The following ITGA5 variants were observed in gnomAD, a reference collection of about 807,000 sequenced individuals.
ITGA5 encodes the protein integrin alpha-5.
A neutral mutation model predicts 146.3 loss-of-function variants in ITGA5; 55 were observed. The ratio of observed to expected loss-of-function variants is 0.38; its 90% CI spans 0.30 to 0.47. The LOEUF (loss-of-function observed/expected upper bound fraction) is 0.47. Ranked by LOEUF, ITGA5 falls within the 20% of genes least tolerant of loss-of-function variation. ITGA5 has a pLI of 0.99. For missense variants in ITGA5, 1,131 were observed against 1,329.0 expected (o/e 0.85, Z 2.32); for synonymous variants, 500 against 531.8 (o/e 0.94, Z 0.82).
intron 1 of ITGA5, among the ~76,000 whole-genome samples, chr12:54,413,634 GAGA>G (rs1370413742): frequency 1.3e-5 from 2 of 152,206 alleles, no homozygotes; most frequent in African/African-American, 4.8e-5. Flanking sequence ...GGTGATGTGA[GAGA>G]AGGAGACCCC....
At chr12:54,406,132 A>G (rs1317232493) in intron 9 of ITGA5, 5 of 598,204 alleles carry the variant, frequency 8.4e-6, no homozygotes, top group Non-Finnish European at 1.5e-5. Context: ...TTTTCTCCCT[A>G]TCAATCACCA....
At chr12:54,411,625 T>C (rs747571974) in intron 2 of ITGA5, among the ~76,000 whole-genome samples, 1 of 152,220 alleles carries the variant, frequency 6.6e-6, no homozygotes, top group African/African-American at 2.4e-5. Flanking sequence ...TTCTGAATCA[T>C]GCCCGTCCTC....
chr12:54,405,245 G>C lies in ITGA5; in HGVS notation c.1146C>G (p.Thr382=). 1 of 1,613,864 alleles carries C rather than the reference G, an allele frequency of 6.2e-7. No individual in the cohort carries two copies. The highest frequency in any genetic ancestry group is 8.5e-7 in the Non-Finnish European group (1 of 1,179,852). ...PAGIEPTPTL[T]LTGHDEFGRF... The stretch of plus-strand genomic sequence containing the variant: ...GGCCAAACTCATCATGGCCAGTGAG[G>C]GTAAGGGTGGGCGTGGGCTCTATGC... The change falls in exon 12 of 30, where the codon ACC becomes ACG. Residue 382 remains threonine (T), a synonymous_variant. Transcript: ENST00000293379.
chr12:54,405,847 G>A (rs763789695), intron 10 of ITGA5, 23 bp downstream of exon 10: 2 of 1,611,922 alleles, frequency 1.2e-6, no homozygotes, highest in Admixed American at 3.3e-5. Context: ...CCAAGCTGGG[G>A]TGGGGTTGAG....
intron 1 of ITGA5, among the ~76,000 whole-genome samples, chr12:54,412,675 C>CGGG (rs1362836635): frequency 3.3e-5 from 5 of 152,210 alleles, no homozygotes; most frequent in Admixed American, 2.6e-4. Context: ...TCTGCTCTAC[C>CGGG]GGGGTCCCAG....
Position 54,401,975 on chromosome 12 carries a change from C to T in ITGA5, c.2226+26G>A. 6.2e-7 allele frequency: 1 copy of T among 1,611,788 alleles called. No homozygotes were observed. The highest frequency in any genetic ancestry group is 8.5e-7 in the Non-Finnish European group (1 of 1,177,906). ...GCCCTCAGGTCTGCTCTCCCTCTGT[C>T]CCATCCTCTTTCATCCCAAACTTAC... On this transcript the variant is annotated intron_variant, in intron 21 of 29. Coordinates refer to ENST00000293379, the MANE Select transcript of ITGA5 (RefSeq NM_002205.5). The surrounding 1 kb of genome is among the most constrained non-coding windows in gnomAD (Gnocchi z 5.0).
rs1431257157 is a variant in ITGA5 at position 54,409,455 on chromosome 12, AC to A, written c.462+29del. ...CCCAACCACTGCCCATCCCCTGGCC[AC>A]CACACCACTGAGCTTGCTGGCCCCT... On this transcript the variant is annotated intron_variant, in intron 3 of 29. Coordinates refer to ENST00000293379, the MANE Select transcript of ITGA5 (RefSeq NM_002205.5). The surrounding 1 kb of genome is among the most constrained non-coding windows in gnomAD (Gnocchi z 4.7). 6.2e-7 allele frequency: 1 copy of A among 1,611,066 alleles called. No individual in the cohort carries two copies. The highest frequency in any genetic ancestry group is 2.2e-5 in the East Asian group (1 of 44,852).
chr12:54,402,443 T>TC, intron 19 of ITGA5, 113 bp from the exon 20 acceptor site: 1 of 970,906 alleles, frequency 1.0e-6, no homozygotes. Context: ...ACACCTGTAA[T>TC]CCCAGCACTT....
chr12:54,404,399 T>G, intron 14 of ITGA5, 31 bp downstream of exon 14: 2 of 1,610,566 alleles, frequency 1.2e-6, no homozygotes, highest in Non-Finnish European at 1.7e-6. Context: ...TCCACCCAGG[T>G]TGTCCCCTCA....
chr12:54,404,969 G>T (rs1215717242), intron 12 of ITGA5, 75 bp from the exon 13 acceptor site: 2 of 1,310,850 alleles, frequency 1.5e-6, no homozygotes, highest in Non-Finnish European at 2.1e-6. Context: ...CAGACCCCAG[G>T]ACCTAGGATC....
At chr12:54,396,401 G>C in intron 29 of ITGA5, 25 bp from the exon 30 acceptor site, 2 of 1,568,082 alleles carry the variant, frequency 1.3e-6, no homozygotes, top group East Asian at 2.2e-5. Flanking sequence ...AAGAGGGAGA[G>C]TTTAGGTACT....
In ITGA5 at chr12:54,403,264, C is replaced by A; in HGVS notation, c.1837G>T (p.Asp613Tyr). 5 of 1,565,838 alleles carry A rather than the reference C, an allele frequency of 3.2e-6. No individual in the cohort carries two copies. The highest frequency in any genetic ancestry group is 4.3e-6 in the Non-Finnish European group (5 of 1,159,316). The change falls in exon 18 of 30, where the codon GAC becomes TAC. Residue 613 changes from aspartate (D) to tyrosine (Y), a missense_variant. Transcript: ENST00000293379. This position sits in a 1 kb window ranked among gnomAD's most constrained non-coding sequence, Gnocchi z 4.9. ...TGGCTGTCCACTGGGGCTTGGGGGTCCAAGGAGAAGTTGAGAGCGATGTGA... is the reference window on the plus strand; with the variant it reads ...TGGCTGTCCACTGGGGCTTGGGGGTACAAGGAGAAGTTGAGAGCGATGTGA... The part of the protein sequence containing the change: ...PIHIALNFSL[D>Y]PQAPVDSHGL...
At position 54,401,903 on chromosome 12, in the gene ITGA5, A is replaced by T; in HGVS notation, c.2227-48T>A. The T allele has an allele frequency of 6.2e-7, 1 of 1,600,968 alleles. No individual in the cohort carries two copies. Among genetic ancestry groups the T allele is most frequent in the Non-Finnish European group, 8.6e-7 (1 of 1,168,644 alleles). Reference sequence around the variant, plus strand: ...AGAGGGCAGTTAGACTGTGTATTTCACCCTCCCTCCGCACCTCACAGCTGT... The same window carrying T: ...AGAGGGCAGTTAGACTGTGTATTTCTCCCTCCCTCCGCACCTCACAGCTGT... On this transcript the variant is annotated intron_variant, in intron 21 of 29. Transcript: ENST00000293379. The surrounding 1 kb of genome is among the most constrained non-coding windows in gnomAD (Gnocchi z 5.0).
intron 1 of ITGA5, among the ~76,000 whole-genome samples, chr12:54,414,566 G>A (rs1328179314): frequency 1.3e-5 from 2 of 152,202 alleles, no homozygotes; most frequent in Non-Finnish European, 2.9e-5. Flanking sequence ...TGAGAAAAGC[G>A]CCAGGTGCGG....
chr12:54,408,001 G>T, intron 7 of ITGA5, 109 bp downstream of exon 7: 1 of 1,531,248 alleles, frequency 6.5e-7, no homozygotes, highest in Non-Finnish European at 8.9e-7. Flanking sequence ...GACAAGTATG[G>T]CAGGGGTGCT....
chr12:54,399,716 C>A lies in ITGA5; in HGVS notation c.2770G>T (p.Gly924Trp). The A allele has an allele frequency of 1.2e-6, 2 of 1,614,164 alleles. No homozygotes were observed. Among genetic ancestry groups the A allele is most frequent in the Non-Finnish European group, 1.7e-6 (2 of 1,180,016 alleles). Residue 924 changes from glycine (G) to tryptophan (W), a missense_variant, in exon 27 of 30, where the codon GGG becomes TGG. This residue lies in a region of ITGA5 where 889 missense variants were observed against 1,021.5 expected (regional missense o/e 0.87). Coordinates refer to ENST00000293379, the MANE Select transcript of ITGA5 (RefSeq NM_002205.5). The stretch of plus-strand genomic sequence containing the variant: ...TGGCTCTCTTGTTGGTGCAGGGGCC[C>A]GAGCTCACAGCGCAGCCTGAAACAC... ...AECFRLRCEL[G>W]PLHQQESQSL...
intron 9 of ITGA5, among the ~76,000 whole-genome samples, chr12:54,406,285 A>G (rs940665310): frequency 2.0e-5 from 3 of 152,188 alleles, no homozygotes; most frequent in African/African-American, 4.8e-5. Context: ...TAGGCACTCA[A>G]TAATAATTAT....
At position 54,405,902 on chromosome 12, in the gene ITGA5, T is replaced by C. The variant is rs1299725724; in HGVS notation, c.931A>G (p.Ile311Val). ...GYVTILNGSD[I>V]RSLYNFSGEQ... ...CCTGAGAAGTTGTAGAGGGATCGAA[T>C]GTCTGAGCCATTAAGGATGGTGACC... Residue 311 changes from isoleucine to valine, a missense_variant, in exon 10 of 30, where the codon ATT becomes GTT. Physicochemically the swap from Ile to Val is conservative, Grantham distance 29. Around this residue, in one of 3 missense-constraint regions of ITGA5, gnomAD observed 889 missense variants for 1,021.5 expected, o/e 0.87. Transcript: ENST00000293379. 2 of 1,614,064 alleles carry C rather than the reference T, an allele frequency of 1.2e-6. No homozygotes were observed. The highest frequency in any genetic ancestry group is 1.7e-5 in the Admixed American group (1 of 60,014).
intron 29 of ITGA5, among the ~76,000 whole-genome samples, chr12:54,396,891 AC>A (rs1955717370): frequency 6.6e-6 from 1 of 151,980 alleles, no homozygotes; most frequent in African/African-American, 2.4e-5. Flanking sequence ...CTAGTGTGTT[AC>A]CCAGGCTGGT....
Sources: allele counts gnomAD v4.1 joint callset (sites outside exome capture counted in the v4.1 genomes callset), GRCh38; gene constraint gnomAD v4.1.1; regional missense constraint gnomAD v4.1.1; non-coding constraint Gnocchi (gnomAD v3.1); transcripts MANE v1.5; gene names NCBI Gene and HGNC (gene_info 2026-07-23, HGNC 2026-07-21).